ARHGAP24: variants seen among roughly 807,000 people sequenced by gnomAD.
ARHGAP24 encodes rho GTPase-activating protein 24.
Under a neutral mutation model 76.4 loss-of-function variants are expected in ARHGAP24, and 50 were observed. The observed-to-expected ratio is 0.65, with a 90% CI of 0.52 to 0.83. The LOEUF is 0.83. ARHGAP24 is among the 40% of genes least tolerant of loss of function. ARHGAP24 has a pLI of 0.00. For missense variants in ARHGAP24, 930 were observed against 914.2 expected (o/e 1.02, Z -0.22); for synonymous variants, 345 against 323.3 (o/e 1.07, Z -0.72).
intron 4 of ARHGAP24, among the ~76,000 whole-genome samples, chr4:85,938,054 G>A (rs1014884949): frequency 3.3e-5 from 5 of 152,188 alleles, no homozygotes; most frequent in Non-Finnish European, 4.4e-5. Flanking sequence ...CACATGTAAA[G>A]GGGGACCCTT....
intron 3 of ARHGAP24, among the ~76,000 whole-genome samples, chr4:85,732,694 CTTT>C (rs5859999): frequency 3.7e-5 from 5 of 136,782 alleles, no homozygotes; most frequent in Non-Finnish European, 3.1e-5. Flanking sequence ...ATTCAAACTT[CTTT>C]TTTTTTTTTT....
chr4:85,968,888 A>T (rs1176205003), intron 5 of ARHGAP24, among the ~76,000 whole-genome samples: 2 of 152,102 alleles, frequency 1.3e-5, no homozygotes, highest in Non-Finnish European at 2.9e-5. Context: ...TTAATCAAAA[A>T]ATATATATAT....
At chr4:85,802,872 T>G (rs192956771) in intron 3 of ARHGAP24, among the ~76,000 whole-genome samples, 1 of 152,352 alleles carries the variant, frequency 6.6e-6, no homozygotes, top group East Asian at 1.9e-4. Context: ...AAGTAGTTAA[T>G]ATCCAGTTTG....
At chr4:85,751,736 C>T (rs993545270) in intron 3 of ARHGAP24, among the ~76,000 whole-genome samples, 1 of 152,162 alleles carries the variant, frequency 6.6e-6, no homozygotes, top group Non-Finnish European at 1.5e-5. Context: ...AAACTGCCTT[C>T]CCAATCCCTC....
At chr4:85,504,592 T>G (rs1723960757) in intron 1 of ARHGAP24, among the ~76,000 whole-genome samples, 2 of 152,194 alleles carry the variant, frequency 1.3e-5, no homozygotes, top group Non-Finnish European at 2.9e-5. Context: ...CTCCATCCCT[T>G]TATTTTGAGC....
At chr4:85,800,500 A>G (rs1037100769) in intron 3 of ARHGAP24, among the ~76,000 whole-genome samples, 1 of 152,058 alleles carries the variant, frequency 6.6e-6, no homozygotes, top group Non-Finnish European at 1.5e-5. Flanking sequence ...AAGAAGAAGA[A>G]CAGGAGGAGG....
intron 1 of ARHGAP24, among the ~76,000 whole-genome samples, chr4:85,551,964 A>C (rs1257325972): frequency 6.6e-6 from 1 of 152,114 alleles, no homozygotes; most frequent in Non-Finnish European, 1.5e-5. Context: ...TTATTTAAAA[A>C]ACTCATGGAT....
chr4:85,702,351 A>G (rs950402734), intron 2 of ARHGAP24, among the ~76,000 whole-genome samples: 9 of 152,228 alleles, frequency 5.9e-5, no homozygotes, highest in Admixed American at 2.0e-4. Context: ...ATTTATACAG[A>G]TGCAACTTTC....
In ARHGAP24 at chr4:85,779,016, A is replaced by T. The variant is rs79291621; in HGVS notation, c.268+57044A>T. On this transcript the variant is annotated intron_variant, in intron 3 of 9. Coordinates refer to ENST00000395184, the MANE Select transcript of ARHGAP24 (RefSeq NM_001025616.3). ...TCAGGGTTCATTTGTTTTGGGGACA[A>T]GTATTTAGTGGTCATTTGACCTTTT... is the stretch of plus-strand genomic sequence containing the variant. 4.0e-4 allele frequency: 391 copies of T among 983,942 alleles called. 1 individual carries two copies. In the African/African-American group the frequency reaches 6.5e-3, roughly 16 times the overall value. The allele number at this position is 983,942 out of a possible 1,614,324, so 61.0% of individuals were successfully genotyped here. A position where few individuals can be genotyped will look rare whatever the true frequency, so the allele number is the denominator to read the frequency against.
chr4:85,636,083 C>T (rs1364486717), intron 2 of ARHGAP24, among the ~76,000 whole-genome samples: 2 of 151,816 alleles, frequency 1.3e-5, no homozygotes, highest in African/African-American at 4.8e-5. Context: ...TAAGTAGATT[C>T]TGTAGGTTTA....
intron 5 of ARHGAP24, among the ~76,000 whole-genome samples, chr4:85,963,782 A>G (rs1286307373): frequency 6.6e-6 from 1 of 152,124 alleles, no homozygotes; most frequent in African/African-American, 2.4e-5. Flanking sequence ...ATATTTGTTT[A>G]TTTATGCTTA....
intron 2 of ARHGAP24, among the ~76,000 whole-genome samples, chr4:85,688,717 A>G (rs574985256): frequency 1.3e-5 from 2 of 152,262 alleles, no homozygotes; most frequent in African/African-American, 4.8e-5. Context: ...GAGATCTTAC[A>G]TTTAAATCTT....
intron 2 of ARHGAP24, among the ~76,000 whole-genome samples, chr4:85,697,761 T>TA (rs1201797644): frequency 2.0e-5 from 3 of 152,006 alleles, no homozygotes; most frequent in African/African-American, 7.2e-5. Context: ...GTGATGAGCA[T>TA]AAGAAAAACT....
At chr4:85,733,166 C>G (rs1043950728) in intron 3 of ARHGAP24, among the ~76,000 whole-genome samples, 2 of 148,984 alleles carry the variant, frequency 1.3e-5, no homozygotes, top group Non-Finnish European at 3.0e-5. Flanking sequence ...CGGGTTCACA[C>G]CTTTCTCCTG....
chr4:85,479,974 A>G (rs1042836051), intron 1 of ARHGAP24, among the ~76,000 whole-genome samples: 9 of 152,202 alleles, frequency 5.9e-5, no homozygotes, highest in African/African-American at 2.2e-4. Context: ...TGGAACTACT[A>G]TCACTGATAT....
intron 2 of ARHGAP24, among the ~76,000 whole-genome samples, chr4:85,665,427 A>T (rs1055437768): frequency 1.2e-4 from 18 of 152,042 alleles, no homozygotes; most frequent in African/African-American, 4.1e-4. Context: ...TGAGATGGGT[A>T]TCCTGAATAC....
intron 3 of ARHGAP24, among the ~76,000 whole-genome samples, chr4:85,731,720 C>T (rs1339725641): frequency 6.6e-6 from 1 of 152,100 alleles, no homozygotes; most frequent in Non-Finnish European, 1.5e-5. Flanking sequence ...AATATATTAT[C>T]ATGTCAAATA....
At chr4:85,755,760 G>C (rs4693127) in intron 3 of ARHGAP24, among the ~76,000 whole-genome samples, 86 of 151,234 alleles carry the variant, frequency 5.7e-4, no homozygotes, top group African/African-American at 2.1e-3. Flanking sequence ...AGCGTCCTGA[G>C]TAGCTGGGAT....
chr4:85,732,045 A>G (rs1311556082), intron 3 of ARHGAP24, among the ~76,000 whole-genome samples: 1 of 152,206 alleles, frequency 6.6e-6, no homozygotes, highest in Non-Finnish European at 1.5e-5. Context: ...TATGGTTTTA[A>G]TTATGCATTC....
Sources: gnomAD v4.1 joint callset for allele counts (sites outside exome capture counted in the v4.1 genomes callset) on GRCh38, gnomAD v4.1.1 for gene constraint, MANE v1.5 for transcripts, NCBI Gene and HGNC (gene_info 2026-07-23, HGNC 2026-07-21) for gene names.